The following PRSS23 variants were observed in gnomAD, a reference collection of about 807,000 sequenced individuals.
PRSS23 encodes the protein serine protease 23, also known as protease, serine 23.
PRSS23 carries 25 observed loss-of-function variants against 34.7 expected under a neutral mutation model. The observed-to-expected ratio is 0.72, with a 90% CI of 0.53 to 1.01. The LOEUF (loss-of-function observed/expected upper bound fraction) is 1.01. PRSS23 is among the 50% of genes least tolerant of loss of function. The pLI, the probability that PRSS23 is intolerant of heterozygous loss-of-function variation, is 0.00. For synonymous variants in PRSS23, 176 were observed against 186.6 expected (o/e 0.94, Z 0.46); for missense variants, 445 against 475.6 (o/e 0.94, Z 0.60).
In PRSS23 at chr11:86,951,339, T is replaced by G. The variant is rs780102146; in HGVS notation, c.*54T>G. 8 of 1,613,794 alleles carry G rather than the reference T, an allele frequency of 5.0e-6. No individual in the cohort carries two copies. Among genetic ancestry groups the G allele is most frequent in the Non-Finnish European group, 6.8e-6 (8 of 1,179,758 alleles). The stretch of plus-strand genomic sequence containing the variant: ...ATTTTCAACATTTCAACAGCCATGT[T>G]GGAATCATCTGCAGAATACCGAAAA... On this transcript the variant is annotated 3_prime_UTR_variant, in exon 3 of 3. Coordinates refer to the PRSS23 transcript ENST00000533902.
At chr11:86,940,395 C>G (rs1333790956) in intron 2 of PRSS23, among the ~76,000 whole-genome samples, 1 of 152,202 alleles carries the variant, frequency 6.6e-6, no homozygotes, top group African/African-American at 2.4e-5. Flanking sequence ...ACCAGAGCTA[C>G]AGAGGACACA....
At chr11:86,890,983 A>C (rs747891513) in intron 2 of PRSS23, among the ~76,000 whole-genome samples, 1 of 152,212 alleles carries the variant, frequency 6.6e-6, no homozygotes, top group Non-Finnish European at 1.5e-5. Flanking sequence ...CCATCTTCAA[A>C]ATGCCTTTTG....
intron 2 of PRSS23, among the ~76,000 whole-genome samples, chr11:86,865,878 CT>C (rs1290444440): frequency 6.6e-6 from 1 of 152,182 alleles, no homozygotes; most frequent in East Asian, 1.9e-4. Context: ...ACACAAAGTC[CT>C]TTGAATTGAA....
intron 2 of PRSS23, among the ~76,000 whole-genome samples, chr11:86,861,575 G>T (rs1221325471): frequency 6.6e-6 from 1 of 151,786 alleles, no homozygotes; most frequent in Non-Finnish European, 1.5e-5. Context: ...TTTGCAGGGG[G>T]CGGACACCCT....
chr11:86,903,765 G>A (rs1189499601), intron 2 of PRSS23, among the ~76,000 whole-genome samples: 2 of 152,046 alleles, frequency 1.3e-5, no homozygotes, highest in Non-Finnish European at 2.9e-5. Context: ...TTACAGACAT[G>A]AGCCACCACT....
intron 2 of PRSS23, chr11:86,832,634 G>A (rs1000860413): frequency 1.9e-5 from 9 of 478,900 alleles, no homozygotes; most frequent in Non-Finnish European, 3.3e-5. Flanking sequence ...CATCATTGAG[G>A]CCACTGCACC....
chr11:86,934,342 A>G (rs1949146724), intron 2 of PRSS23: 1 of 151,858 alleles, frequency 6.6e-6, no homozygotes, highest in Non-Finnish European at 1.5e-5. Context: ...TTAGGCCCAC[A>G]TCTCTTTCCA....
intron 2 of PRSS23, among the ~76,000 whole-genome samples, chr11:86,878,872 T>G (rs1291771392): frequency 2.0e-4 from 22 of 110,652 alleles, no homozygotes; most frequent in African/African-American, 4.6e-4. Context: ...GCCTCTTCCC[T>G]GCGGCCATCC....
At chr11:86,940,246 T>C (rs1212399310) in intron 2 of PRSS23, among the ~76,000 whole-genome samples, 1 of 152,170 alleles carries the variant, frequency 6.6e-6, no homozygotes, top group African/African-American at 2.4e-5. Flanking sequence ...TTGGTCAGTG[T>C]TGCAAGCTGC....
chr11:86,828,990 G>T (rs1021113326), intron 2 of PRSS23, among the ~76,000 whole-genome samples: 1 of 152,066 alleles, frequency 6.6e-6, no homozygotes, highest in Admixed American at 6.6e-5. Context: ...TGCTCTTCTC[G>T]AGGAGTATCT....
At chr11:86,901,394 C>T (rs1235413160) in intron 2 of PRSS23, among the ~76,000 whole-genome samples, 1 of 152,082 alleles carries the variant, frequency 6.6e-6, no homozygotes, top group Non-Finnish European at 1.5e-5. Context: ...TTTTCTATTC[C>T]TGCTGTCGGA....
At chr11:86,794,091 C>A (rs574347567) in intron 1 of PRSS23, among the ~76,000 whole-genome samples, 1 of 152,108 alleles carries the variant, frequency 6.6e-6, no homozygotes, top group South Asian at 2.1e-4. Flanking sequence ...CACACTGAAC[C>A]ACATGAAAGC....
Position 86,871,694 on chromosome 11 carries a change from A to C in PRSS23, c.206+48101A>C, listed in dbSNP as rs2508431. Reference sequence around the variant, plus strand: ...TGACAACAATTGCCTCATATATTTTATTCCATTTTGTTGTCATTGATAGTG... The same window carrying C: ...TGACAACAATTGCCTCATATATTTTCTTCCATTTTGTTGTCATTGATAGTG... On this transcript the variant is annotated intron_variant, in intron 2 of 2. Coordinates refer to the PRSS23 transcript ENST00000533902. 1.3e-5 allele frequency among the ~76,000 whole-genome samples: 2 copies of C among 152,008 alleles called. 1 individual carries two copies. The highest frequency in any genetic ancestry group is 2.9e-5 in the Non-Finnish European group (2 of 67,986).
chr11:86,835,734 T>G (rs993344826), intron 2 of PRSS23, among the ~76,000 whole-genome samples: 1 of 152,192 alleles, frequency 6.6e-6, no homozygotes, highest in Non-Finnish European at 1.5e-5. Flanking sequence ...ATTTTAGCCC[T>G]AAGTACGTAA....
At chr11:86,877,857 C>CAAAAA (rs11403638) in intron 2 of PRSS23, among the ~76,000 whole-genome samples, 3 of 125,876 alleles carry the variant, frequency 2.4e-5, no homozygotes, top group Non-Finnish European at 3.5e-5. Context: ...TTCATTTCTG[C>CAAAAA]AAAAAAAAAA....
rs574231126 is a variant in PRSS23 at position 86,889,295 on chromosome 11, C to T, written c.207-61921C>T. Reference sequence around the variant, plus strand: ...GGACCTCTGAAATCCACAGATGGGGCAATTTGGGCCCTGTCTTAGTCTGTT... The same window carrying T: ...GGACCTCTGAAATCCACAGATGGGGTAATTTGGGCCCTGTCTTAGTCTGTT... On this transcript the variant is annotated intron_variant, in intron 2 of 2. Transcript: ENST00000533902. Among the ~76,000 whole-genome samples the T allele has an allele frequency of 1.2e-3, 178 of 152,274 alleles. 3 individuals are homozygous for T. The highest frequency in any genetic ancestry group is 3.9e-3 in the African/African-American group (161 of 41,558).
chr11:86,828,629 G>T (rs553902637), intron 2 of PRSS23, among the ~76,000 whole-genome samples: 1 of 152,290 alleles, frequency 6.6e-6, no homozygotes, highest in South Asian at 2.1e-4. Flanking sequence ...GCAGCGGCTG[G>T]TACCGGTTGT....
chr11:86,824,418 A>G (rs1948282436), intron 2 of PRSS23, among the ~76,000 whole-genome samples: 1 of 150,656 alleles, frequency 6.6e-6, no homozygotes. Flanking sequence ...CAGTGGGGTG[A>G]GGCCTTTGAA....
rs1254857186 is a variant in PRSS23, at chr11:86,879,576, G to A, written c.206+55983G>A. ...GGGTCAGCCCCCCGCCCGGCCAGCC[G>A]CCCCGTCAGGGAGGTGAGGGGCGCC... On this transcript the variant is annotated intron_variant, in intron 2 of 2. Coordinates refer to the PRSS23 transcript ENST00000533902. Among the ~76,000 whole-genome samples, 8 of 132,546 alleles carry A rather than the reference G, an allele frequency of 6.0e-5. No individual in the cohort carries two copies. In the East Asian group the frequency reaches 1.2e-3, roughly 20 times the overall value. 87.0% of individuals were successfully genotyped at this position (132,546 alleles called of 152,430 possible).
Sources: gnomAD v4.1 joint callset for allele counts (sites outside exome capture counted in the v4.1 genomes callset) on GRCh38, gnomAD v4.1.1 for gene constraint, MANE v1.5 for transcripts, NCBI Gene and HGNC (gene_info 2026-07-23, HGNC 2026-07-21) for gene names.